Variants in NDST1 observed in about 807,000 individuals in gnomAD.
NDST1 encodes N-deacetylase and N-sulfotransferase 1.
In NDST1, 35 loss-of-function variants were observed where a neutral mutation model predicts 92.8. The ratio of observed to expected loss-of-function variants is 0.38; its 90% confidence interval spans 0.29 to 0.50. The LOEUF (loss-of-function observed/expected upper bound fraction) is 0.50, where lower values mean the gene tolerates loss of function less well. Ranked by LOEUF, NDST1 falls within the 20% of genes least tolerant of loss-of-function variation. The probability of loss-of-function intolerance (pLI) is 0.94; values close to 1 mark genes in which losing one functional copy is unlikely to be tolerated. For missense variants in NDST1, 822 were observed against 1,182.7 expected, an observed-to-expected ratio of 0.69 and a Z score of 4.47; for synonymous variants, 493 against 500.3, an observed-to-expected ratio of 0.99 and a Z score of 0.19.
intron 2 of NDST1, among the ~76,000 whole-genome samples, chr5:150,524,072 C>T (rs746863752): frequency 3.0e-4 from 46 of 152,220 alleles, no homozygotes; most frequent in Non-Finnish European, 6.2e-4. Flanking sequence ...CCCACTGATG[C>T]TGGATTCCCA....
At chr5:150,505,669 G>T (rs540323751), upstream of NDST1, among the ~76,000 whole-genome samples, 1 of 152,132 alleles carries the variant, frequency 6.6e-6, no homozygotes, top group Non-Finnish European at 1.5e-5. Flanking sequence ...CCCATTTCGG[G>T]GATTTGCTGC....
chr5:150,528,021 G>A lies in NDST1; in HGVS notation c.731G>A (p.Arg244His), dbSNP rs545657188. ...TYEPVLLAKT[R>H]SSESIPHLGA... is the part of the protein sequence containing the mutation. ...GAGCCAGTGCTGCTGGCCAAGACGCGCTCGTCTGAGTCCATCCCACACCTG... is the reference window on the plus strand; with the variant it reads ...GAGCCAGTGCTGCTGGCCAAGACGCACTCGTCTGAGTCCATCCCACACCTG... The change falls in exon 3 of 15, where the codon CGC becomes CAC. Residue 244 changes from arginine to histidine, a missense_variant. By Grantham distance (29) the Arg-to-His change is conservative. Coordinates refer to ENST00000261797, the MANE Select transcript of NDST1 (RefSeq NM_001543.5). The A allele has an allele frequency of 3.1e-6, 5 of 1,613,420 alleles. No homozygotes were observed. The highest frequency in any genetic ancestry group is 2.2e-5 in the East Asian group (1 of 44,898).
chr5:150,536,625 G>T (rs1204577855), intron 6 of NDST1, among the ~76,000 whole-genome samples: 3 of 151,776 alleles, frequency 2.0e-5, no homozygotes. Flanking sequence ...GAGTGCAATG[G>T]CACAATCTCA....
At position 150,525,697 on chromosome 5, in the gene NDST1, C is replaced by T. The variant is rs111899641; in HGVS notation, c.514-2107C>T. ...GGAATTAGAGGAGATGAGTGAAAGG[C>T]GCTCTTCTGGACAGGTACAGCTCTG... On this transcript the variant is annotated intron_variant, in intron 2 of 14. Transcript: ENST00000261797. Among the ~76,000 whole-genome samples, 717 of 152,258 alleles carry T rather than the reference C, an allele frequency of 4.7e-3. 4 individuals carry two copies. The highest frequency in any genetic ancestry group is 0.015 in the African/African-American group (630 of 41,532).
intron 5 of NDST1, 47 bp downstream of exon 5, chr5:150,535,068 G>A (rs778154843): frequency 1.9e-6 from 3 of 1,585,800 alleles, no homozygotes; most frequent in Non-Finnish European, 1.7e-6. Context: ...CTAAGGGCTG[G>A]GCTGGAGGTC....
At chr5:150,532,464 G>A (rs1043969469) in intron 3 of NDST1, among the ~76,000 whole-genome samples, 4 of 152,190 alleles carry the variant, frequency 2.6e-5, no homozygotes, top group African/African-American at 9.7e-5. Flanking sequence ...GCCACACAGA[G>A]CCCCACGCTC....
intron 6 of NDST1, among the ~76,000 whole-genome samples, 186 bp from the exon 7 acceptor site, chr5:150,539,042 G>A (rs1429133509): frequency 2.0e-5 from 3 of 152,230 alleles, no homozygotes; most frequent in Non-Finnish European, 4.4e-5. Context: ...TTTGTAAAAT[G>A]GCAAGGGCCT....
chr5:150,503,162 G>T (rs971462183), upstream of NDST1, among the ~76,000 whole-genome samples: 26 of 152,196 alleles, frequency 1.7e-4, no homozygotes, highest in African/African-American at 6.3e-4. Context: ...AGCACTTAGT[G>T]CCAGGTGCAG....
At chr5:150,515,930 T>C (rs2748216) in intron 1 of NDST1, among the ~76,000 whole-genome samples, 123,787 of 151,216 alleles carry the variant, frequency 0.82, 51,117 homozygotes, top group African/African-American at 0.91. Flanking sequence ...GCTGAGTGGC[T>C]GGCACTTTGC....
intron 1 of NDST1, among the ~76,000 whole-genome samples, chr5:150,517,729 T>G (rs10074650): frequency 0.34 from 51,092 of 152,104 alleles, 9,014 homozygotes; most frequent in African/African-American, 0.43. Flanking sequence ...TCCCACAGGG[T>G]TTCGTGGCTC....
At chr5:150,538,075 C>G (rs1755074442) in intron 6 of NDST1, among the ~76,000 whole-genome samples, 1 of 152,184 alleles carries the variant, frequency 6.6e-6, no homozygotes, top group Non-Finnish European at 1.5e-5. Context: ...GGTGGGCCTT[C>G]CTGGAATAAG....
chr5:150,522,494 C>G (rs1754284639), intron 2 of NDST1, among the ~76,000 whole-genome samples: 1 of 152,136 alleles, frequency 6.6e-6, no homozygotes, highest in Non-Finnish European at 1.5e-5. Context: ...TCAGAGAAGT[C>G]TGACCTGCAA....
At chr5:150,504,819 G>A (rs1356198081), upstream of NDST1, among the ~76,000 whole-genome samples, 1 of 152,222 alleles carries the variant, frequency 6.6e-6, no homozygotes, top group Non-Finnish European at 1.5e-5. Flanking sequence ...CTGGTACCAA[G>A]TAAACTCTCA....
At chr5:150,504,498 C>T (rs1160208529), upstream of NDST1, among the ~76,000 whole-genome samples, 1 of 152,134 alleles carries the variant, frequency 6.6e-6, no homozygotes, top group South Asian at 2.1e-4. Flanking sequence ...CCTCCATTAT[C>T]GTAATCTTGC....
intron 5 of NDST1, 89 bp downstream of exon 5, chr5:150,535,110 C>T: frequency 6.5e-7 from 1 of 1,530,732 alleles, no homozygotes; most frequent in Non-Finnish European, 8.9e-7. Flanking sequence ...CTTTTGCAGT[C>T]TGCTCTGACG....
intron 3 of NDST1, 34 bp from the exon 4 acceptor site, chr5:150,532,911 C>T (rs1255925369): frequency 1.3e-6 from 2 of 1,596,974 alleles, no homozygotes; most frequent in East Asian, 2.2e-5. Flanking sequence ...CCTGGCTTTC[C>T]CTCACTCATT....
Position 150,540,050 on chromosome 5 carries a change from C to T in NDST1, c.1567-32C>T, listed in dbSNP as rs766310185. 5 of 1,613,408 alleles carry T rather than the reference C, an allele frequency of 3.1e-6. No homozygotes were observed. In the South Asian group the frequency reaches 4.4e-5, roughly 14 times the overall value. ...TGAGGGTGGCTCAGACACTGATGGG[C>T]CCTGCCTCTCTCCTCCCCTCCCCTG... On this transcript the variant is annotated intron_variant, in intron 7 of 14. Transcript: ENST00000261797.
At chr5:150,506,197 A>G (rs6897238), upstream of NDST1, among the ~76,000 whole-genome samples, 3,430 of 152,158 alleles carry the variant, frequency 0.023, 131 homozygotes, top group African/African-American at 0.078. Flanking sequence ...TGTAGCCTCA[A>G]CCTCCTGGGC....
chr5:150,498,486 G>T (rs570263496), intron 1 of NDST1, among the ~76,000 whole-genome samples: 1 of 152,174 alleles, frequency 6.6e-6, no homozygotes, highest in Non-Finnish European at 1.5e-5. Flanking sequence ...TCTGTGCTGG[G>T]CTTTCTAGGA....
Sources: gnomAD v4.1 joint callset for allele counts (sites outside exome capture counted in the v4.1 genomes callset) on GRCh38, gnomAD v4.1.1 for gene constraint, MANE v1.5 for transcripts, NCBI Gene and HGNC (gene_info 2026-07-23, HGNC 2026-07-21) for gene names.